The following LEPR variants were observed in gnomAD, a reference collection of about 807,000 sequenced individuals.
LEPR encodes leptin receptor.
LEPR carries 56 observed loss-of-function variants against 114.7 expected under a neutral mutation model. The observed-to-expected ratio is 0.49, with a 90% CI of 0.39 to 0.61. The LOEUF (loss-of-function observed/expected upper bound fraction) is 0.61, where lower values mean the gene tolerates loss of function less well. Among genes scored for constraint, LEPR ranks in the 20% least tolerant of loss-of-function variants. The pLI is 0.00. For missense variants in LEPR, 1,202 were observed against 1,352.9 expected, an observed-to-expected ratio of 0.89 and a Z score of 1.75; for synonymous variants, 443 against 461.4, an observed-to-expected ratio of 0.96 and a Z score of 0.51.
Position 65,528,950 on chromosome 1 carries a change from G to A in LEPR, c.-20-36596G>A, listed in dbSNP as rs570697939. Among the ~76,000 whole-genome samples the A allele has an allele frequency of 4.7e-4, 70 of 149,194 alleles. 1 individual carries two copies. In the South Asian group the frequency reaches 0.015, roughly 31 times the overall value. Reference sequence around the variant, plus strand: ...CTCCCAAGTATCTGGGATTACAGGCGTGTGCCTCCACACCTGGCTATTTTT... The same window carrying A: ...CTCCCAAGTATCTGGGATTACAGGCATGTGCCTCCACACCTGGCTATTTTT... On this transcript the variant is annotated intron_variant, in intron 2 of 19. Coordinates refer to ENST00000349533, the MANE Select transcript of LEPR (RefSeq NM_002303.6).
chr1:65,549,214 C>T (rs1208205611), intron 2 of LEPR, among the ~76,000 whole-genome samples: 8 of 150,976 alleles, frequency 5.3e-5, no homozygotes, highest in Non-Finnish European at 1.0e-4. Flanking sequence ...GTGGGTAACC[C>T]GACCTTTCTC....
intron 2 of LEPR, among the ~76,000 whole-genome samples, chr1:65,468,741 G>A (rs369291098): frequency 4.6e-5 from 7 of 152,210 alleles, no homozygotes; most frequent in African/African-American, 1.4e-4. Flanking sequence ...TCAACAGTTC[G>A]TTGGTGTGAC....
intron 1 of LEPR, among the ~76,000 whole-genome samples, chr1:65,423,478 C>G (rs1401120044): frequency 6.6e-6 from 1 of 152,062 alleles, no homozygotes; most frequent in African/African-American, 2.4e-5. Flanking sequence ...TTTGACAGGC[C>G]TCATGGAGGA....
At chr1:65,604,311 T>C (rs1291807908) in intron 10 of LEPR, among the ~76,000 whole-genome samples, 2 of 151,900 alleles carry the variant, frequency 1.3e-5, no homozygotes, top group Non-Finnish European at 2.9e-5. Flanking sequence ...TGGAGTGAAA[T>C]TGTCTGTATT....
chr1:65,633,173 C>A lies in LEPR; in HGVS notation c.2674-3018C>A. On this transcript the variant is annotated intron_variant, in intron 19 of 19. Coordinates refer to ENST00000349533, the MANE Select transcript of LEPR (RefSeq NM_002303.6). This position sits in a 1 kb window ranked among gnomAD's most constrained non-coding sequence, Gnocchi z 4.1. ...ACAGAGAACGGACATTCTTTGAAGT[C>A]TAATCATGATCACTACAGATGAACC... The A allele has an allele frequency of 6.2e-7, 1 of 1,605,202 alleles. No individual in the cohort carries two copies. Among genetic ancestry groups the A allele is most frequent in the Non-Finnish European group, 8.5e-7 (1 of 1,173,576 alleles).
At chr1:65,448,231 G>A (rs145930132) in intron 2 of LEPR, among the ~76,000 whole-genome samples, 310 of 152,260 alleles carry the variant, frequency 2.0e-3, no homozygotes, top group African/African-American at 7.0e-3. Context: ...TATCATGAAT[G>A]TGTGTTGGAG....
At chr1:65,594,364 T>C (rs1373859646) in intron 6 of LEPR, among the ~76,000 whole-genome samples, 1 of 152,070 alleles carries the variant, frequency 6.6e-6, no homozygotes, top group African/African-American at 2.4e-5. Flanking sequence ...CAGAGTTACC[T>C]GGTCCAGAGC....
At chr1:65,443,825 A>T (rs1228194329) in intron 2 of LEPR, among the ~76,000 whole-genome samples, 1 of 152,158 alleles carries the variant, frequency 6.6e-6, no homozygotes, top group African/African-American at 2.4e-5. Context: ...TTGGGGGTAG[A>T]TTTGCATCTG....
intron 2 of LEPR, among the ~76,000 whole-genome samples, chr1:65,542,134 A>G (rs565115937): frequency 6.6e-6 from 1 of 152,306 alleles, no homozygotes; most frequent in Admixed American, 6.5e-5. Flanking sequence ...TGCTGGGCAT[A>G]TTATGCAAAT....
chr1:65,633,367 AT>A lies in LEPR; in HGVS notation c.2674-2821del, dbSNP rs1209084250. On this transcript the variant is annotated intron_variant, in intron 19 of 19. Coordinates refer to ENST00000349533, the MANE Select transcript of LEPR (RefSeq NM_002303.6). This position sits in a 1 kb window ranked among gnomAD's most constrained non-coding sequence, Gnocchi z 4.1. ...GTGTAAATTTGGGTTCAAAATGTAG[AT>A]TTGAGTCCAGTTTGGATGTGTGATT... The A allele has an allele frequency of 7.5e-7, 1 of 1,333,396 alleles. No individual in the cohort carries two copies. Among genetic ancestry groups the A allele is most frequent in the Non-Finnish European group, 9.6e-7 (1 of 1,043,152 alleles). The allele number at this position is 1,333,396 out of a possible 1,614,324, so 82.6% of individuals were successfully genotyped here.
intron 2 of LEPR, among the ~76,000 whole-genome samples, chr1:65,463,865 C>T (rs905175032): frequency 5.9e-5 from 9 of 152,080 alleles, no homozygotes; most frequent in African/African-American, 2.2e-4. Context: ...ATTTTTTGCA[C>T]ATTGATTTTA....
intron 19 of LEPR, chr1:65,634,187 T>C: frequency 1.0e-6 from 1 of 984,292 alleles, no homozygotes; most frequent in Non-Finnish European, 1.2e-6. Context: ...CTATGTTTAA[T>C]GAACTCAGTA....
At chr1:65,532,450 T>C (rs1393157877) in intron 2 of LEPR, among the ~76,000 whole-genome samples, 1 of 152,204 alleles carries the variant, frequency 6.6e-6, no homozygotes, top group Non-Finnish European at 1.5e-5. Flanking sequence ...GATAGTCATA[T>C]GGTAATATGA....
At chr1:65,563,318 T>C (rs1156555651) in intron 2 of LEPR, among the ~76,000 whole-genome samples, 1 of 90,600 alleles carries the variant, frequency 1.1e-5, no homozygotes, top group East Asian at 2.6e-4. Flanking sequence ...CTTCCATCGC[T>C]GATACCCTTT....
At chr1:65,425,467 C>T in intron 2 of LEPR, 89 bp downstream of exon 2, 1 of 1,140,644 alleles carries the variant, frequency 8.8e-7, no homozygotes, top group South Asian at 1.6e-5. Flanking sequence ...CAATTTAGCA[C>T]CAAGTTCTAA....
chr1:65,463,927 G>T (rs956811952), intron 2 of LEPR, among the ~76,000 whole-genome samples: 1 of 152,204 alleles, frequency 6.6e-6, no homozygotes, highest in Non-Finnish European at 1.5e-5. Context: ...ATTTTGGGCT[G>T]AGATGATGGG....
intron 3 of LEPR, among the ~76,000 whole-genome samples, chr1:65,570,114 A>G (rs1396689076): frequency 1.3e-5 from 2 of 152,226 alleles, no homozygotes; most frequent in African/African-American, 4.8e-5. Flanking sequence ...TATTATATTT[A>G]TCATTTATAA....
rs1647020621 is a variant in LEPR at position 65,466,896 on chromosome 1, C to T, written c.-21+41518C>T. ...TCCATCAGGTCATTTAAGGTCTTCT[C>T]TACATTGTTTATTCTAGTTAGCCAT... On this transcript the variant is annotated intron_variant, in intron 2 of 19. Coordinates refer to ENST00000349533, the MANE Select transcript of LEPR (RefSeq NM_002303.6). 1.3e-4 allele frequency among the ~76,000 whole-genome samples: 20 copies of T among 152,250 alleles called. No individual in the cohort carries two copies. The South Asian group carries it at 4.1e-3, about 32-fold the overall frequency.
intron 12 of LEPR, among the ~76,000 whole-genome samples, chr1:65,609,212 A>G (rs945311748): frequency 2.0e-5 from 3 of 152,124 alleles, no homozygotes; most frequent in African/African-American, 4.8e-5. Context: ...CACGGTATAC[A>G]TATTACATAT....
Sources: gnomAD v4.1 joint callset for allele counts (sites outside exome capture counted in the v4.1 genomes callset) on GRCh38, gnomAD v4.1.1 for gene constraint, Gnocchi (gnomAD v3.1) non-coding constraint, MANE v1.5 for transcripts, NCBI Gene and HGNC (gene_info 2026-07-23, HGNC 2026-07-21) for gene names.